Variants in LINGO2 observed in about 807,000 individuals in gnomAD.
LINGO2 encodes the protein leucine rich repeat and Ig domain containing 2, also known as leucine-rich repeat and immunoglobulin-like domain-containing nogo receptor-interacting protein 2.
In LINGO2, 14 loss-of-function variants were observed where a neutral mutation model predicts 30.6. That is an observed-to-expected ratio of 0.46 (90% CI 0.30 to 0.72). The LOEUF (loss-of-function observed/expected upper bound fraction) is 0.72, where lower values mean the gene tolerates loss of function less well. Ranked by LOEUF, LINGO2 falls within the 30% of genes least tolerant of loss-of-function variation. LINGO2 has a pLI of 0.07. For missense variants in LINGO2, 729 were observed against 751.7 expected (o/e 0.97, Z 0.35); for synonymous variants, 317 against 288.5 (o/e 1.10, Z -1.00).
chr9:28,450,087 C>T (rs541021213), intron 2 of LINGO2, among the ~76,000 whole-genome samples: 4 of 152,038 alleles, frequency 2.6e-5, no homozygotes, highest in African/African-American at 4.8e-5. Flanking sequence ...TTGAATTTCC[C>T]GGTATGCAAG....
At chr9:28,066,327 G>A (rs1290583124) in intron 4 of LINGO2, among the ~76,000 whole-genome samples, 5 of 152,126 alleles carry the variant, frequency 3.3e-5, no homozygotes, top group Admixed American at 2.0e-4. Context: ...TTTGGGCAGA[G>A]GAATACTGAG....
chr9:28,051,296 A>T (rs759174737), intron 4 of LINGO2, among the ~76,000 whole-genome samples: 1 of 152,066 alleles, frequency 6.6e-6, no homozygotes, highest in Non-Finnish European at 1.5e-5. Flanking sequence ...TTCATAAAAC[A>T]TATGACAAAT....
At chr9:28,433,032 A>G (rs1823743608) in intron 2 of LINGO2, among the ~76,000 whole-genome samples, 1 of 152,158 alleles carries the variant, frequency 6.6e-6, no homozygotes, top group African/African-American at 2.4e-5. Context: ...TTTCTTGAAA[A>G]AACATAGATT....
At chr9:27,940,913 T>G in the LINGO2 span, 1 of 152,200 alleles carries the variant, frequency 6.6e-6, no homozygotes, top group East Asian at 1.9e-4. Flanking sequence ...TTATCCCTGA[T>G]TGGTGAGTTT....
chr9:28,644,342 T>G (rs1827735743), intron 1 of LINGO2, among the ~76,000 whole-genome samples: 1 of 151,774 alleles, frequency 6.6e-6, no homozygotes, highest in Non-Finnish European at 1.5e-5. Context: ...ATATACAGAG[T>G]GGAGTACTAT....
chr9:28,835,187 C>T, the LINGO2 span, among the ~76,000 whole-genome samples: 1 of 152,072 alleles, frequency 6.6e-6, no homozygotes, highest in Non-Finnish European at 1.5e-5. Flanking sequence ...AATATTTGCA[C>T]AGAGAACCAG....
the LINGO2 span, among the ~76,000 whole-genome samples, chr9:28,703,299 C>A: frequency 1.3e-5 from 2 of 151,746 alleles, no homozygotes; most frequent in South Asian, 4.1e-4. Flanking sequence ...TCTATCCCAA[C>A]ATTTTAAAAA....
intron 4 of LINGO2, among the ~76,000 whole-genome samples, chr9:28,075,833 A>G (rs1216875220): frequency 6.6e-6 from 1 of 151,906 alleles, no homozygotes; most frequent in East Asian, 1.9e-4. Context: ...TTACAAATAT[A>G]TTCTATTATT....
the LINGO2 span, among the ~76,000 whole-genome samples, chr9:28,939,233 G>A: frequency 6.6e-6 from 1 of 152,198 alleles, no homozygotes; most frequent in Non-Finnish European, 1.5e-5. Context: ...TGACAACGAA[G>A]AGAACAGCCA....
intron 1 of LINGO2, among the ~76,000 whole-genome samples, chr9:28,623,108 T>C (rs12335561): frequency 0.15 from 22,064 of 152,094 alleles, 2,188 homozygotes; most frequent in African/African-American, 0.27. Context: ...TTCAGATGCG[T>C]AGTTTGCAAA....
rs186893223 is a variant in LINGO2, at chr9:28,097,823, C to G, written c.-86-85418G>C. 1.3e-4 allele frequency among the ~76,000 whole-genome samples: 19 copies of G among 150,696 alleles called. No individual in the cohort carries two copies. The East Asian group carries it at 3.4e-3, about 27-fold the overall frequency. On this transcript the variant is annotated intron_variant, in intron 4 of 5. Transcript: ENST00000379992. Reference sequence around the variant, plus strand: ...CACATTGTGCACATGTACCCTAAAACTTAAAATATAATAATAATGAAATAA... The same window carrying G: ...CACATTGTGCACATGTACCCTAAAAGTTAAAATATAATAATAATGAAATAA...
Position 28,168,108 on chromosome 9 carries a change from T to C in LINGO2, c.-87+127100A>G, listed in dbSNP as rs926561041. The stretch of plus-strand genomic sequence containing the variant: ...TACTTCTGGGAGGAAACTCCCCTTC[T>C]TGTTACCTGGATGAGAAATTGGTGT... On this transcript the variant is annotated intron_variant, in intron 4 of 5. Transcript: ENST00000379992. Among the ~76,000 whole-genome samples the C allele has an allele frequency of 2.6e-5, 4 of 152,222 alleles. 1 individual carries two copies. Among genetic ancestry groups the C allele is most frequent in the Non-Finnish European group, 5.9e-5 (4 of 68,050 alleles).
the LINGO2 span, among the ~76,000 whole-genome samples, chr9:28,922,709 T>G: frequency 1.3e-5 from 2 of 152,222 alleles, no homozygotes; most frequent in South Asian, 4.1e-4. Flanking sequence ...AAACACTTTT[T>G]GTTAATTAAG....
the LINGO2 span, among the ~76,000 whole-genome samples, chr9:28,745,329 A>C: frequency 3.4e-3 from 511 of 152,104 alleles, 4 homozygotes; most frequent in Non-Finnish European, 5.3e-3. Flanking sequence ...ATGTGGCTTG[A>C]AGGTTGTTTG....
At chr9:28,901,233 G>A in the LINGO2 span, among the ~76,000 whole-genome samples, 1 of 152,016 alleles carries the variant, frequency 6.6e-6, no homozygotes, top group African/African-American at 2.4e-5. Flanking sequence ...AATCAGAAAC[G>A]AAGGAGATAT....
the LINGO2 span, among the ~76,000 whole-genome samples, chr9:28,861,081 A>G: frequency 4.8e-5 from 6 of 124,138 alleles, no homozygotes; most frequent in Admixed American, 4.0e-4. Context: ...ATATAAATAT[A>G]TAATATAAAT....
At chr9:28,302,607 G>A (rs1325523719) in intron 3 of LINGO2, among the ~76,000 whole-genome samples, 2 of 152,074 alleles carry the variant, frequency 1.3e-5, no homozygotes, top group Non-Finnish European at 2.9e-5. Flanking sequence ...GGAAGTTGTG[G>A]CTGTAGTTAG....
chr9:28,320,554 G>A (rs1825002939), intron 3 of LINGO2, among the ~76,000 whole-genome samples: 1 of 152,122 alleles, frequency 6.6e-6, no homozygotes, highest in Non-Finnish European at 1.5e-5. Context: ...CAAACAAACA[G>A]GTATCTTTAG....
At chr9:28,651,870 C>T (rs1828117971) in intron 1 of LINGO2, among the ~76,000 whole-genome samples, 1 of 152,124 alleles carries the variant, frequency 6.6e-6, no homozygotes, top group South Asian at 2.1e-4. Flanking sequence ...ATTCATCACC[C>T]CCTTAGCATA....
Sources: gnomAD v4.1 joint callset for allele counts (sites outside exome capture counted in the v4.1 genomes callset) on GRCh38, gnomAD v4.1.1 for gene constraint, MANE v1.5 for transcripts, NCBI Gene and HGNC (gene_info 2026-07-23, HGNC 2026-07-21) for gene names.